Variants in NCL observed in about 807,000 individuals in gnomAD.
The protein encoded by NCL is nucleolin multifunctional protein.
In NCL, 4 loss-of-function variants were observed where a neutral mutation model predicts 77.7. The ratio of observed to expected loss-of-function variants is 0.05; its 90% CI spans 0.03 to 0.12. The LOEUF (loss-of-function observed/expected upper bound fraction) is 0.12, where lower values mean the gene tolerates loss of function less well. Among genes scored for constraint, NCL ranks in the 10% least tolerant of loss-of-function variants. NCL has a pLI of 1.00. For missense variants in NCL, 763 were observed against 860.9 expected (o/e 0.89, Z 1.42); for synonymous variants, 344 against 297.8 (o/e 1.16, Z -1.60).
At position 231,458,272 on chromosome 2, in the gene NCL, C is replaced by T. The variant is rs752383519; in HGVS notation, c.1283G>A (p.Ser428Asn). 8 of 1,613,694 alleles carry T rather than the reference C, an allele frequency of 5.0e-6. No homozygotes were observed. Among genetic ancestry groups the T allele is most frequent in the Admixed American group, 1.7e-5 (1 of 59,914 alleles). ...EIRLVSKDGK[S>N]KGIAYIEFKT... Reference sequence around the variant, plus strand: ...TTCAATAGACAGAACATACCCTTTACTTTTCCCATCCTTGCTGACTAATCT... The same window carrying T: ...TTCAATAGACAGAACATACCCTTTATTTTTCCCATCCTTGCTGACTAATCT... Residue 428 changes from serine (S) to asparagine (N), a missense_variant, in exon 8 of 14, where the codon AGT (serine) becomes AAT (asparagine). Physicochemically the swap from Ser to Asn is conservative, Grantham distance 46. Transcript: ENST00000322723.
chr2:231,462,666 C>T, intron 2 of NCL: 1 of 451,224 alleles, frequency 2.2e-6, no homozygotes, highest in Admixed American at 2.4e-5. Context: ...CAATTCAGTG[C>T]TCAGCTGTCT....
chr2:231,461,455 G>A, intron 3 of NCL, 85 bp downstream of exon 3: 4 of 1,542,010 alleles, frequency 2.6e-6, no homozygotes, highest in Non-Finnish European at 2.6e-6. Flanking sequence ...TCATCTCCAG[G>A]TTGTCGTGGA....
chr2:231,458,624 G>C, intron 7 of NCL: 1 of 542,414 alleles, frequency 1.8e-6, no homozygotes, highest in Non-Finnish European at 3.2e-6. Flanking sequence ...GTTCAACCTA[G>C]AGTAGACGCG....
chr2:231,462,688 AAAT>A, intron 2 of NCL: 1 of 413,758 alleles, frequency 2.4e-6, no homozygotes, highest in South Asian at 1.7e-5. Flanking sequence ...TATAGTGAGC[AAAT>A]AAAAGGCCAG....
At chr2:231,456,804 C>A (rs780325150) in intron 10 of NCL, 40 bp from the exon 11 acceptor site, 1 of 1,610,250 alleles carries the variant, frequency 6.2e-7, no homozygotes, top group East Asian at 2.2e-5. Flanking sequence ...AGTTACCAGG[C>A]ACATGCTCCT....
chr2:231,456,998 T>C lies in NCL; in HGVS notation c.1571+3A>G. The C allele has an allele frequency of 1.2e-6, 2 of 1,614,010 alleles. No homozygotes were observed. The highest frequency in any genetic ancestry group is 8.5e-7 in the Non-Finnish European group (1 of 1,179,914). On this transcript the variant is annotated splice_donor_region_variant and intron_variant, in intron 10 of 13. Coordinates refer to ENST00000322723, the MANE Select transcript of NCL (RefSeq NM_005381.3). ...AACTGATGATACAAAGGTATTATCT[T>C]ACCCTTTAGATTTGCCATTTTGGTT...
chr2:231,458,488 A>T, intron 7 of NCL, 99 bp from the exon 8 acceptor site: 1 of 1,404,698 alleles, frequency 7.1e-7, no homozygotes, highest in Admixed American at 2.1e-5. Flanking sequence ...TCTATTCAAC[A>T]AATAATTTGA....
At chr2:231,462,230 G>T (rs563854032) in intron 2 of NCL, among the ~76,000 whole-genome samples, 1 of 152,144 alleles carries the variant, frequency 6.6e-6, no homozygotes, top group East Asian at 1.9e-4. Flanking sequence ...GAACTCTTTT[G>T]AACACTTAAA....
At chr2:231,461,247 C>T (rs2046946826) in intron 3 of NCL, among the ~76,000 whole-genome samples, 1 of 150,938 alleles carries the variant, frequency 6.6e-6, no homozygotes, top group Admixed American at 6.6e-5. Flanking sequence ...CATTGCACTC[C>T]AGCCTGGGAA....
Position 231,458,633 on chromosome 2 carries a change from C to T in NCL, c.1166-244G>A, listed in dbSNP as rs546132905. 344 of 503,708 alleles carry T rather than the reference C, an allele frequency of 6.8e-4. 1 individual carries two copies. The highest frequency in any genetic ancestry group is 1.7e-3 in the Admixed American group (45 of 26,478). 31.2% of individuals were successfully genotyped at this position (503,708 alleles called of 1,614,324 possible). ...ACTGGAGTTCAACCTAGAGTAGACG[C>T]GCATAACAAAAAAAGTGAATGTACC... On this transcript the variant is annotated intron_variant, in intron 7 of 13. Transcript: ENST00000322723.
intron 6 of NCL, 36 bp downstream of exon 6, chr2:231,460,112 AACAG>A (rs767889274): frequency 1.3e-6 from 2 of 1,580,856 alleles, no homozygotes; most frequent in Non-Finnish European, 1.7e-6. Flanking sequence ...GAAAAGCATT[AACAG>A]ACCCACGTGT....
At position 231,458,342 on chromosome 2, in the gene NCL, T is replaced by A; in HGVS notation, c.1213A>T (p.Thr405Ser). 1 of 1,614,014 alleles carries A rather than the reference T, an allele frequency of 6.2e-7. No individual in the cohort carries two copies. The highest frequency in any genetic ancestry group is 8.5e-7 in the Non-Finnish European group (1 of 1,179,968). ...LLAKNLPYKVTQDELKEVFED... is the reference protein window; with the variant it reads ...LLAKNLPYKVSQDELKEVFED... ...AACACTTCTTTCAATTCATCCTGAG[T>A]GACTTTGTAAGGGAGATTTTTAGCC... is the stretch of plus-strand genomic sequence containing the variant. Residue 405 changes from threonine to serine, a missense_variant, in exon 8 of 14, where the codon ACT becomes TCT. Thr to Ser is a moderately conservative substitution (Grantham distance 58, BLOSUM62 1). Transcript: ENST00000322723.
At chr2:231,455,919 G>GGA in intron 12 of NCL, 91 bp downstream of exon 12, 1 of 1,588,644 alleles carries the variant, frequency 6.3e-7, no homozygotes, top group Non-Finnish European at 8.6e-7. Context: ...TAGACAGAAA[G>GGA]GAGCTCAATG....
At position 231,456,279 on chromosome 2, in the gene NCL, A is replaced by ATTAAT. The variant is rs1286894196; in HGVS notation, c.1706-144_1706-143insATTAA. On this transcript the variant is annotated intron_variant, in intron 11 of 13. Coordinates refer to ENST00000322723, the MANE Select transcript of NCL (RefSeq NM_005381.3). ...AAGCAACTAAGCCAACTAGTCCTTA[A>ATTAAT]TTAAAGTAAAGGCTATTCTGGGTTT... 4.7e-6 allele frequency: 5 copies of ATTAAT among 1,065,122 alleles called. No homozygotes were observed. The African/African-American group carries it at 8.0e-5, about 17-fold the overall frequency. 66.0% of individuals were successfully genotyped at this position (1,065,122 alleles called of 1,614,324 possible).
Position 231,464,447 on chromosome 2 carries a change from G to C in NCL, c.-94C>G. The C allele has an allele frequency of 6.7e-7, 1 of 1,499,666 alleles. No individual in the cohort carries two copies. The highest frequency in any genetic ancestry group is 9.1e-7 in the Non-Finnish European group (1 of 1,098,688). 92.9% of individuals were successfully genotyped at this position (1,499,666 alleles called of 1,614,324 possible). ...GCGGCCGCGGGTGCTGAAGATCCCG[G>C]AGCACGTACACCCGAAGGCCAGCGA... On this transcript the variant is annotated 5_prime_UTR_variant, in exon 1 of 14. Coordinates refer to ENST00000322723, the MANE Select transcript of NCL (RefSeq NM_005381.3).
intron 1 of NCL, chr2:231,464,127 T>A (rs2125639013): frequency 1.5e-6 from 2 of 1,377,438 alleles, no homozygotes; most frequent in East Asian, 5.2e-5. Context: ...CCCGCCGCGT[T>A]CGCCGCCCCC....
intron 1 of NCL, 157 bp from the exon 2 acceptor site, chr2:231,463,473 A>G: frequency 1.5e-6 from 1 of 685,852 alleles, no homozygotes; most frequent in Non-Finnish European, 2.6e-6. Context: ...CCTGATGGCA[A>G]TGCAAGAGGG....
rs757111064 is a variant in NCL at position 231,462,023 on chromosome 2, G to A, written c.136-6C>T. ...TTCTTCTGAGGTATGACGACCTTGA[G>A]AATAAATGAAAACCAAACCAGTAAG... On this transcript the variant is annotated splice_polypyrimidine_tract_variant and splice_region_variant and intron_variant, in intron 2 of 13. Transcript: ENST00000322723. 18 of 1,613,318 alleles carry A rather than the reference G, an allele frequency of 1.1e-5. No homozygotes were observed. Among genetic ancestry groups the A allele is most frequent in the South Asian group, 2.2e-5 (2 of 91,056 alleles).
chr2:231,460,080 G>GT, intron 6 of NCL, 72 bp downstream of exon 6: 6 of 1,477,956 alleles, frequency 4.1e-6, no homozygotes, highest in Non-Finnish European at 5.5e-6. Flanking sequence ...GCAGGCTAAA[G>GT]TAACTGTGCT....
Sources: gnomAD v4.1 joint callset for allele counts (sites outside exome capture counted in the v4.1 genomes callset) on GRCh38, gnomAD v4.1.1 for gene constraint, MANE v1.5 for transcripts, NCBI Gene and HGNC (gene_info 2026-07-23, HGNC 2026-07-21) for gene names.